CSMD1: variants seen among roughly 807,000 people sequenced by gnomAD.
The protein encoded by CSMD1 is CUB and Sushi multiple domains 1.
A neutral mutation model predicts 417.5 loss-of-function variants in CSMD1; 213 were observed. The ratio of observed to expected loss-of-function variants is 0.51; its 90% CI spans 0.46 to 0.57. The LOEUF is 0.57. CSMD1 is among the 20% of genes least tolerant of loss of function. The pLI is 0.00. For missense variants in CSMD1, 6,923 were observed against 4,529.7 expected (o/e 1.53, Z -15.17); for synonymous variants, 2,862 against 1,736.8 (o/e 1.65, Z -16.11).
intron 3 of CSMD1, among the ~76,000 whole-genome samples, chr8:4,108,932 G>A (rs1023321280): frequency 6.6e-6 from 1 of 152,060 alleles, no homozygotes; most frequent in Admixed American, 6.5e-5. Context: ...AAATTCCATC[G>A]CCTTAGAAAT....
intron 1 of CSMD1, among the ~76,000 whole-genome samples, chr8:4,708,438 C>G (rs758585381): frequency 1.3e-5 from 2 of 152,120 alleles, no homozygotes; most frequent in Non-Finnish European, 2.9e-5. Context: ...AATAGTTTCA[C>G]TAAAGAAACA....
intron 2 of CSMD1, among the ~76,000 whole-genome samples, chr8:4,504,761 C>T (rs1802435134): frequency 6.6e-6 from 1 of 152,098 alleles, no homozygotes; most frequent in Non-Finnish European, 1.5e-5. Context: ...TGTTAGTTTG[C>T]TGAGAATGAT....
At chr8:3,314,070 T>A (rs968644427) in intron 23 of CSMD1, among the ~76,000 whole-genome samples, 3 of 149,222 alleles carry the variant, frequency 2.0e-5, no homozygotes, top group Admixed American at 6.8e-5. Context: ...AATTGAACAA[T>A]GAGAACACAT....
chr8:4,071,314 A>C (rs936631214), intron 3 of CSMD1, among the ~76,000 whole-genome samples: 2 of 152,130 alleles, frequency 1.3e-5, no homozygotes, highest in African/African-American at 4.8e-5. Context: ...TACTGATTAG[A>C]TAATTTCCAT....
At chr8:4,652,570 T>G (rs754383722) in intron 1 of CSMD1, among the ~76,000 whole-genome samples, 3 of 151,826 alleles carry the variant, frequency 2.0e-5, no homozygotes, top group Non-Finnish European at 4.4e-5. Context: ...GAGAATCGCT[T>G]GAACCCGGGA....
intron 2 of CSMD1, among the ~76,000 whole-genome samples, chr8:4,444,639 T>G (rs770730627): frequency 1.3e-5 from 2 of 152,194 alleles, no homozygotes; most frequent in Non-Finnish European, 2.9e-5. Flanking sequence ...ACATGGTTAT[T>G]ATCATTCAGG....
chr8:3,705,669 A>G (rs971324634), intron 7 of CSMD1, among the ~76,000 whole-genome samples: 3 of 152,254 alleles, frequency 2.0e-5, no homozygotes, highest in African/African-American at 7.2e-5. Flanking sequence ...CATTTTCCAT[A>G]AATCTTCTGT....
At chr8:3,123,356 C>A (rs17390734) in intron 41 of CSMD1, among the ~76,000 whole-genome samples, 2 of 152,124 alleles carry the variant, frequency 1.3e-5, no homozygotes, top group Non-Finnish European at 2.9e-5. Context: ...TAGAAAACAT[C>A]CACAGTGCCT....
intron 1 of CSMD1, among the ~76,000 whole-genome samples, chr8:4,732,664 A>C (rs1217010025): frequency 2.0e-5 from 3 of 152,124 alleles, no homozygotes; most frequent in African/African-American, 4.8e-5. Flanking sequence ...GGGCAGCCAC[A>C]CATCTGCCCC....
chr8:3,119,947 C>T (rs1011258436), intron 41 of CSMD1, among the ~76,000 whole-genome samples: 6 of 152,102 alleles, frequency 3.9e-5, no homozygotes, highest in African/African-American at 1.2e-4. Context: ...ATAAAGTCTC[C>T]GAGCTTCTGC....
At chr8:3,866,097 A>C (rs1263801825) in intron 5 of CSMD1, among the ~76,000 whole-genome samples, 2 of 152,200 alleles carry the variant, frequency 1.3e-5, no homozygotes, top group East Asian at 3.9e-4. Context: ...TTTCTTCCAA[A>C]TAAGGATTAC....
chr8:4,561,905 C>A (rs1204468201), intron 2 of CSMD1, among the ~76,000 whole-genome samples: 1 of 152,130 alleles, frequency 6.6e-6, no homozygotes, highest in African/African-American at 2.4e-5. Context: ...AGAATCTCAA[C>A]CAAAGCAGTT....
chr8:3,833,284 T>C (rs1056674359), intron 5 of CSMD1, among the ~76,000 whole-genome samples: 4 of 152,266 alleles, frequency 2.6e-5, no homozygotes, highest in South Asian at 2.1e-4. Flanking sequence ...ACAACACTGA[T>C]ATCTGTTTAT....
intron 2 of CSMD1, among the ~76,000 whole-genome samples, chr8:4,611,159 C>G (rs897397068): frequency 5.3e-5 from 8 of 152,106 alleles, no homozygotes; most frequent in African/African-American, 1.9e-4. Context: ...TTCTAGACCT[C>G]TCTATATGGG....
intron 3 of CSMD1, among the ~76,000 whole-genome samples, chr8:4,239,127 C>G (rs1296133685): frequency 6.6e-6 from 1 of 152,156 alleles, no homozygotes; most frequent in Admixed American, 6.5e-5. Flanking sequence ...TGGGTTAAAA[C>G]AATTTACTCC....
At chr8:3,739,261 C>G (rs571927929) in intron 6 of CSMD1, among the ~76,000 whole-genome samples, 8 of 152,304 alleles carry the variant, frequency 5.3e-5, no homozygotes, top group African/African-American at 1.9e-4. Context: ...TTTGAAACTT[C>G]TGACAAAGCT....
chr8:3,779,256 G>A (rs970240877), intron 5 of CSMD1, among the ~76,000 whole-genome samples: 5 of 151,500 alleles, frequency 3.3e-5, no homozygotes, highest in African/African-American at 1.2e-4. Context: ...GACTAGCAAG[G>A]GTATTATCTG....
Position 3,921,273 on chromosome 8 carries a change from C to G in CSMD1, c.818+76630G>C, listed in dbSNP as rs116601889. 3.3e-3 allele frequency among the ~76,000 whole-genome samples: 497 copies of G among 152,166 alleles called. 2 individuals carry two copies. Among genetic ancestry groups the G allele is most frequent in the African/African-American group, 0.011 (463 of 41,548 alleles). On this transcript the variant is annotated intron_variant, in intron 5 of 69. Transcript: ENST00000635120. ...ATACCTGTTGTAGTATCACCTCTTT[C>G]ATTTCTAATTTTGAGTCTTCTCTTT... is the stretch of plus-strand genomic sequence containing the variant.
chr8:4,207,223 A>C (rs1338175462), intron 3 of CSMD1, among the ~76,000 whole-genome samples: 3 of 152,190 alleles, frequency 2.0e-5, no homozygotes, highest in Non-Finnish European at 2.9e-5. Flanking sequence ...AAGTTGTATA[A>C]CATGCAAATA....
Sources: gnomAD v4.1 joint callset for allele counts (sites outside exome capture counted in the v4.1 genomes callset) on GRCh38, gnomAD v4.1.1 for gene constraint, MANE v1.5 for transcripts, NCBI Gene and HGNC (gene_info 2026-07-23, HGNC 2026-07-21) for gene names.